The following NOTO variants were observed in gnomAD, a reference collection of about 807,000 sequenced individuals.
The protein encoded by NOTO is notochord homeobox, also known as homeobox protein notochord.
A neutral mutation model predicts 20.5 loss-of-function variants in NOTO; 19 were observed. That is an observed-to-expected ratio of 0.93 (90% confidence interval 0.65 to 1.36). The LOEUF is 1.36. Ranked by LOEUF, NOTO falls within the 40% of genes most tolerant of loss-of-function variation. The pLI is 0.00. For synonymous variants in NOTO, 150 were observed against 150.2 expected (o/e 1.00, Z 0.01); for missense variants, 369 against 336.2 (o/e 1.10, Z -0.76).
rs1170372453 is a variant in NOTO at position 73,202,863 on chromosome 2, C to G, written c.197C>G (p.Ser66Cys). Residue 66 changes from serine to cysteine, a missense_variant, in exon 1 of 3, where the codon TCC becomes TGC. Coordinates refer to ENST00000398468, the MANE Select transcript of NOTO (RefSeq NM_001134462.2). ...ARPDPCAPAA[S>C]QPSGSACVHP... ...CCCGACCCCTGCGCGCCGGCGGCCT[C>G]CCAGCCGTCGGGCTCCGCCTGCGTC... 6.5e-7 allele frequency: 1 copy of G among 1,526,814 alleles called. No individual in the cohort carries two copies. The highest frequency in any genetic ancestry group is 8.8e-7 in the Non-Finnish European group (1 of 1,142,338). 94.6% of individuals were successfully genotyped at this position (1,526,814 alleles called of 1,614,324 possible).
Position 73,211,229 on chromosome 2 carries a change from T to G in NOTO, c.*300T>G, listed in dbSNP as rs1686176002. The G allele has an allele frequency of 6.4e-6, 2 of 313,080 alleles. No individual in the cohort carries two copies. The highest frequency in any genetic ancestry group is 5.9e-6 in the Non-Finnish European group (1 of 169,302). 19.4% of individuals were successfully genotyped at this position (313,080 alleles called of 1,614,324 possible). A position where few individuals can be genotyped will look rare whatever the true frequency, so the allele number is the denominator to read the frequency against. On this transcript the variant is annotated 3_prime_UTR_variant, in exon 3 of 3. Transcript: ENST00000398468. ...GATCACCCAGGGGTGAGAAGATGTCTGTAAAGCAATAATGTGCCATGCACA... is the reference window on the plus strand; with the variant it reads ...GATCACCCAGGGGTGAGAAGATGTCGGTAAAGCAATAATGTGCCATGCACA...
rs1049706109 is a variant in NOTO at position 73,211,523 on chromosome 2, G to A, written c.*594G>A. ...CTTTCTTTTTTTTTTGAGACAGACT[G>A]CAGTGGCGCGATCTTGGCTCACCGC... On this transcript the variant is annotated 3_prime_UTR_variant, in exon 3 of 3. Transcript: ENST00000398468. The A allele has an allele frequency of 2.0e-5, 3 of 152,114 alleles. No homozygotes were observed. The highest frequency in any genetic ancestry group is 7.3e-5 in the African/African-American group (3 of 41,364). 9.4% of individuals were successfully genotyped at this position (152,114 alleles called of 1,614,324 possible). A position where few individuals can be genotyped will look rare whatever the true frequency, so the allele number is the denominator to read the frequency against.
intron 2 of NOTO, among the ~76,000 whole-genome samples, chr2:73,209,174 C>CAAA (rs1214608418): frequency 4.6e-4 from 24 of 52,726 alleles, no homozygotes; most frequent in African/African-American, 7.8e-4. Flanking sequence ...GAGCCCGTCT[C>CAAA]AAAAAAAAAA....
intron 2 of NOTO, 47 bp from the exon 3 acceptor site, chr2:73,210,724 G>A (rs2103698041): frequency 2.7e-6 from 4 of 1,474,630 alleles, no homozygotes; most frequent in Non-Finnish European, 3.6e-6. Flanking sequence ...AGGAAGCAGT[G>A]GGACCTGATG....
In NOTO at chr2:73,210,689, G is replaced by A; in HGVS notation, c.598-82G>A. ...AGGAAGAGCAAATATTGGCCAGGCA[G>A]AGAGGGGTGTTCACTCCAGGAATTA... On this transcript the variant is annotated intron_variant, in intron 2 of 2. Transcript: ENST00000398468. 7 of 1,215,030 alleles carry A rather than the reference G, an allele frequency of 5.8e-6. No homozygotes were observed. In the South Asian group the frequency reaches 1.1e-4, roughly 19 times the overall value. The allele number at this position is 1,215,030 out of a possible 1,614,324, so 75.3% of individuals were successfully genotyped here. A position where few individuals can be genotyped will look rare whatever the true frequency, so the allele number is the denominator to read the frequency against.
At chr2:73,204,666 T>A (rs562494414) in intron 1 of NOTO, among the ~76,000 whole-genome samples, 1 of 152,142 alleles carries the variant, frequency 6.6e-6, no homozygotes. Context: ...TACTTCATGT[T>A]ACAGTTGCCT....
chr2:73,202,879 C>A lies in NOTO; in HGVS notation c.213C>A (p.Ser71=). Residue 71 remains serine (S), a synonymous_variant, in exon 1 of 3, where the codon TCC becomes TCA. Transcript: ENST00000398468. ...CAPAASQPSG[S]ACVHPAFWTA... The stretch of plus-strand genomic sequence containing the variant: ...CGGCGGCCTCCCAGCCGTCGGGCTC[C>A]GCCTGCGTCCACCCGGCCTTCTGGA... 6.5e-7 allele frequency: 1 copy of A among 1,527,534 alleles called. No homozygotes were observed. The highest frequency in any genetic ancestry group is 8.8e-7 in the Non-Finnish European group (1 of 1,142,464). The allele number at this position is 1,527,534 out of a possible 1,614,324, so 94.6% of individuals were successfully genotyped here.
chr2:73,208,108 G>C (rs1209124017), intron 1 of NOTO, among the ~76,000 whole-genome samples: 1 of 152,264 alleles, frequency 6.6e-6, no homozygotes, highest in Non-Finnish European at 1.5e-5. Context: ...GGAAGGCAAA[G>C]AGAAGGGAGG....
chr2:73,203,614 C>G (rs932509433), intron 1 of NOTO, among the ~76,000 whole-genome samples: 1 of 152,194 alleles, frequency 6.6e-6, no homozygotes, highest in Non-Finnish European at 1.5e-5. Context: ...TCTGAGCCTG[C>G]GTGCATGCAA....
chr2:73,203,618 C>T (rs1686039776), intron 1 of NOTO, among the ~76,000 whole-genome samples: 1 of 152,224 alleles, frequency 6.6e-6, no homozygotes, highest in African/African-American at 2.4e-5. Context: ...AGCCTGCGTG[C>T]ATGCAATGCT....
intron 1 of NOTO, among the ~76,000 whole-genome samples, chr2:73,206,787 C>CT (rs969908382): frequency 0.25 from 22,455 of 89,956 alleles, 3,805 homozygotes; most frequent in African/African-American, 0.43. Context: ...CCAACTAGAG[C>CT]TTTTTTTTTT....
chr2:73,203,755 A>C (rs1184107713), intron 1 of NOTO, among the ~76,000 whole-genome samples: 1 of 152,066 alleles, frequency 6.6e-6, no homozygotes, highest in Non-Finnish European at 1.5e-5. Context: ...ACCTGAAGTC[A>C]GGAGTTCAAG....
At chr2:73,203,072 C>G in intron 1 of NOTO, 24 bp downstream of exon 1, 1 of 1,370,934 alleles carries the variant, frequency 7.3e-7, no homozygotes, top group Non-Finnish European at 9.4e-7. Flanking sequence ...GGCGCCCGCA[C>G]GCGGGGGACT....
At chr2:73,207,335 G>A (rs528973271) in intron 1 of NOTO, among the ~76,000 whole-genome samples, 1 of 152,224 alleles carries the variant, frequency 6.6e-6, no homozygotes, top group Non-Finnish European at 1.5e-5. Flanking sequence ...CCAGCCCTGA[G>A]GACTCCCCAA....
intron 2 of NOTO, 125 bp from the exon 3 acceptor site, chr2:73,210,646 G>T: frequency 1.4e-6 from 1 of 723,192 alleles, no homozygotes; most frequent in Non-Finnish European, 2.2e-6. Context: ...GTGTTTTGGA[G>T]GAGGTACCTC....
Position 73,202,601 on chromosome 2 carries a change from T to G in NOTO, c.-66T>G. On this transcript the variant is annotated 5_prime_UTR_variant, in exon 1 of 3. Transcript: ENST00000398468. ...CAGACAACCGGTCTTGCTCGCTGCCTTTTGCAGAATCTTCTCACTTCTCCC... is the reference window on the plus strand; with the variant it reads ...CAGACAACCGGTCTTGCTCGCTGCCGTTTGCAGAATCTTCTCACTTCTCCC... The G allele has an allele frequency of 1.5e-6, 2 of 1,375,794 alleles. No homozygotes were observed. Among genetic ancestry groups the G allele is most frequent in the Non-Finnish European group, 1.9e-6 (2 of 1,066,594 alleles). 85.2% of individuals were successfully genotyped at this position (1,375,794 alleles called of 1,614,324 possible).
intron 1 of NOTO, among the ~76,000 whole-genome samples, chr2:73,204,431 C>T (rs1179396229): frequency 6.6e-6 from 1 of 152,206 alleles, no homozygotes; most frequent in East Asian, 1.9e-4. Flanking sequence ...TAGTCCAAGC[C>T]TTATCAACCC....
intron 1 of NOTO, among the ~76,000 whole-genome samples, chr2:73,204,423 G>C (rs1201827542): frequency 6.6e-6 from 1 of 152,190 alleles, no homozygotes; most frequent in Non-Finnish European, 1.5e-5. Context: ...AGCAAAGTTA[G>C]TCCAAGCCTT....
In NOTO at chr2:73,211,015, GA is replaced by G. The variant is rs1405340465; in HGVS notation, c.*90del. The G allele has an allele frequency of 1.8e-6, 2 of 1,116,570 alleles. No individual in the cohort carries two copies. The highest frequency in any genetic ancestry group is 2.5e-6 in the Non-Finnish European group (2 of 795,818). The allele number at this position is 1,116,570 out of a possible 1,614,324, so 69.2% of individuals were successfully genotyped here. ...GGAGCTCCCTGCCTCACACCTCAAC[GA>G]AAAGCCTCCTCAACCAGAAGAATCT... On this transcript the variant is annotated 3_prime_UTR_variant, in exon 3 of 3. Transcript: ENST00000398468.
Sources: allele counts gnomAD v4.1 joint callset (sites outside exome capture counted in the v4.1 genomes callset), GRCh38; gene constraint gnomAD v4.1.1; transcripts MANE v1.5; gene names NCBI Gene and HGNC (gene_info 2026-07-23, HGNC 2026-07-21).